RHOA: variants seen among roughly 807,000 people sequenced by gnomAD.
RHOA encodes ras homolog family member A.
Under a neutral mutation model 17.5 loss-of-function variants are expected in RHOA, and 3 were observed. The observed-to-expected ratio is 0.17, with a 90% CI of 0.08 to 0.44. RHOA has a LOEUF of 0.44. RHOA is among the 20% of genes least tolerant of loss of function. RHOA has a pLI of 0.99. For synonymous variants in RHOA, 98 were observed against 88.4 expected (o/e 1.11, Z -0.61); for missense variants, 56 against 242.3 (o/e 0.23, Z 5.10).
intron 1 of RHOA, among the ~76,000 whole-genome samples, chr3:49,384,474 T>C (rs954919159): frequency 6.6e-6 from 1 of 152,050 alleles, no homozygotes; most frequent in Non-Finnish European, 1.5e-5. Context: ...AAGTCACCAG[T>C]AACAATACAC....
intron 1 of RHOA, among the ~76,000 whole-genome samples, chr3:49,391,660 C>T (rs1267167870): frequency 6.6e-6 from 1 of 151,716 alleles, no homozygotes; most frequent in Non-Finnish European, 1.5e-5. Context: ...TACAGGCATG[C>T]ACCACCATGC....
At chr3:49,389,201 G>A (rs2048454194) in intron 1 of RHOA, among the ~76,000 whole-genome samples, 1 of 151,918 alleles carries the variant, frequency 6.6e-6, no homozygotes, top group Admixed American at 6.6e-5. Flanking sequence ...AAAAAAATCA[G>A]CCAGGCCTGG....
rs562831845 is a variant in RHOA at position 49,376,099 on chromosome 3, C to T, written c.-2-508G>A. Among the ~76,000 whole-genome samples, 3 of 152,050 alleles carry T rather than the reference C, an allele frequency of 2.0e-5. No individual in the cohort carries two copies. In the South Asian group the frequency reaches 6.3e-4, roughly 32 times the overall value. On this transcript the variant is annotated intron_variant, in intron 1 of 4. Coordinates refer to ENST00000418115, the MANE Select transcript of RHOA (RefSeq NM_001664.4). ...CAGGTGATCCACCTGCCTCAGCCTC[C>T]CAAAGTGCTGGGATTACAGGCGTGA...
At chr3:49,376,945 AT>A in intron 1 of RHOA, among the ~76,000 whole-genome samples, 4 of 151,934 alleles carry the variant, frequency 2.6e-5, no homozygotes, top group African/African-American at 7.3e-5. Context: ...CCTGGCCAAC[AT>A]GGAGAAACCC....
intron 4 of RHOA, among the ~76,000 whole-genome samples, chr3:49,361,710 G>A (rs1031629819): frequency 2.0e-5 from 3 of 151,570 alleles, no homozygotes; most frequent in Non-Finnish European, 4.4e-5. Flanking sequence ...GAGAAAACCC[G>A]TCTCTACTAA....
chr3:49,395,657 G>A (rs1470638399), intron 1 of RHOA, among the ~76,000 whole-genome samples: 1 of 151,994 alleles, frequency 6.6e-6, no homozygotes, highest in Non-Finnish European at 1.5e-5. Context: ...AGGTTGCAGT[G>A]AGCCAAGATC....
chr3:49,401,711 T>G (rs2107901667), intron 1 of RHOA, among the ~76,000 whole-genome samples: 1 of 152,304 alleles, frequency 6.6e-6, no homozygotes, highest in African/African-American at 2.4e-5. Flanking sequence ...GGTTGAGTAC[T>G]GCTTATCCAA....
intron 2 of RHOA, among the ~76,000 whole-genome samples, chr3:49,369,164 C>T (rs935604518): frequency 5.3e-5 from 8 of 150,092 alleles, no homozygotes; most frequent in Non-Finnish European, 1.5e-5. Context: ...GCTGGGACTA[C>T]AGGCGCCCGC....
At chr3:49,369,495 G>T (rs545554340) in intron 2 of RHOA, among the ~76,000 whole-genome samples, 1 of 151,768 alleles carries the variant, frequency 6.6e-6, no homozygotes, top group Non-Finnish European at 1.5e-5. Context: ...CACTTTGGGA[G>T]GCTGAGGCGG....
In RHOA at chr3:49,360,033, C is replaced by T. The variant is rs779888123; in HGVS notation, c.*176G>A. ...GTCAAAAGGACCCTGGTGGGCCAGACGGGTTGGACATCGTTAATAATCATA... is the reference window on the plus strand; with the variant it reads ...GTCAAAAGGACCCTGGTGGGCCAGATGGGTTGGACATCGTTAATAATCATA... On this transcript the variant is annotated 3_prime_UTR_variant, in exon 5 of 5. Coordinates refer to ENST00000418115, the MANE Select transcript of RHOA (RefSeq NM_001664.4). The T allele has an allele frequency of 5.2e-5, 36 of 686,412 alleles. No homozygotes were observed. Among genetic ancestry groups the T allele is most frequent in the African/African-American group, 1.3e-4 (7 of 54,312 alleles). The allele number at this position is 686,412 out of a possible 1,614,324, so 42.5% of individuals were successfully genotyped here. A position where few individuals can be genotyped will look rare whatever the true frequency, so the allele number is the denominator to read the frequency against.
At chr3:49,383,677 T>C (rs972854443) in intron 1 of RHOA, among the ~76,000 whole-genome samples, 1 of 152,066 alleles carries the variant, frequency 6.6e-6, no homozygotes, top group Non-Finnish European at 1.5e-5. Flanking sequence ...TGCCTTCCCT[T>C]CCTAGAATGT....
chr3:49,407,378 C>G (rs533042545), intron 1 of RHOA, among the ~76,000 whole-genome samples: 2 of 151,538 alleles, frequency 1.3e-5, no homozygotes, highest in African/African-American at 4.9e-5. Flanking sequence ...GGATTATAGG[C>G]GCCTGCTGCC....
rs1304206017 is a variant in RHOA, at chr3:49,391,871, C to G, written c.-2-16280G>C. Among the ~76,000 whole-genome samples the G allele has an allele frequency of 2.1e-5, 3 of 146,210 alleles. No homozygotes were observed. The Admixed American group carries it at 2.1e-4, about 10-fold the overall frequency. On this transcript the variant is annotated intron_variant, in intron 1 of 4. Transcript: ENST00000418115. ...GAGACAGCGTTTCGATCTTGTCCCC[C>G]AGACTGGAGTGTAATGGCACGATCT... is the stretch of plus-strand genomic sequence containing the variant.
intron 1 of RHOA, among the ~76,000 whole-genome samples, chr3:49,383,468 C>T (rs1469750064): frequency 6.6e-6 from 1 of 151,696 alleles, no homozygotes; most frequent in African/African-American, 2.4e-5. Flanking sequence ...GTTCAACATG[C>T]CCACAATATT....
chr3:49,403,970 C>T (rs547054715), intron 1 of RHOA, among the ~76,000 whole-genome samples: 2 of 150,988 alleles, frequency 1.3e-5, no homozygotes, highest in African/African-American at 2.4e-5. Flanking sequence ...CCACCACCCC[C>T]GAAAAAAGGT....
At chr3:49,387,150 A>C (rs1303244938) in intron 1 of RHOA, among the ~76,000 whole-genome samples, 20 of 97,998 alleles carry the variant, frequency 2.0e-4, no homozygotes, top group South Asian at 1.1e-3. Flanking sequence ...AAAAAAAAAA[A>C]AAAAAAAAAA....
intron 3 of RHOA, among the ~76,000 whole-genome samples, chr3:49,363,344 C>T (rs1356286829): frequency 6.6e-6 from 1 of 151,922 alleles, no homozygotes; most frequent in Non-Finnish European, 1.5e-5. Flanking sequence ...GGTGTGAACC[C>T]GGGAGGCAGA....
rs1209793834 is a variant in RHOA at position 49,368,693 on chromosome 3, ATTTTTTC to A, written c.157-152_157-146del. 4,769 of 764,156 alleles carry A rather than the reference ATTTTTTC, an allele frequency of 6.2e-3. 176 individuals carry two copies. In the African/African-American group the frequency reaches 0.081, roughly 13 times the overall value. 47.3% of individuals were successfully genotyped at this position (764,156 alleles called of 1,614,324 possible). A position where few individuals can be genotyped will look rare whatever the true frequency, so the allele number is the denominator to read the frequency against. ...AACAGTAAAACACAGGAGTATTTAC[ATTTTTTC>A]TTTTTTCTTTTTTTTTTTTTTTTTT... On this transcript the variant is annotated intron_variant, in intron 2 of 4. Transcript: ENST00000418115.
At chr3:49,389,916 AAC>A (rs1233329444) in intron 1 of RHOA, among the ~76,000 whole-genome samples, 2 of 131,156 alleles carry the variant, frequency 1.5e-5, no homozygotes, top group Non-Finnish European at 3.2e-5. Flanking sequence ...CAGCCTGGGC[AAC>A]AGAGTGAGAC....
Sources: allele counts gnomAD v4.1 joint callset (sites outside exome capture counted in the v4.1 genomes callset), GRCh38; gene constraint gnomAD v4.1.1; transcripts MANE v1.5; gene names NCBI Gene and HGNC (gene_info 2026-07-23, HGNC 2026-07-21).